The following LIN28A variants were observed in gnomAD, a reference collection of about 807,000 sequenced individuals.
The protein encoded by LIN28A is protein lin-28 homolog A.
LIN28A carries 11 observed loss-of-function variants against 21.1 expected under a neutral mutation model. The ratio of observed to expected loss-of-function variants is 0.52; its 90% confidence interval spans 0.33 to 0.86. LIN28A has a LOEUF of 0.86. Among genes scored for constraint, LIN28A ranks in the 40% least tolerant of loss-of-function variants. The pLI is 0.03. For missense variants in LIN28A, 219 were observed against 279.8 expected, an observed-to-expected ratio of 0.78 and a Z score of 1.55; for synonymous variants, 111 against 108.7, an observed-to-expected ratio of 1.02 and a Z score of -0.13.
At chr1:26,419,056 C>G (rs757758136) in intron 2 of LIN28A, among the ~76,000 whole-genome samples, 21 of 151,922 alleles carry the variant, frequency 1.4e-4, no homozygotes, top group Non-Finnish European at 1.9e-4. Flanking sequence ...TGCCCCTCCC[C>G]CTAAGGTCTT....
Position 26,411,453 on chromosome 1 carries a change from C to T in LIN28A, c.99C>T (p.Asp33=). The T allele has an allele frequency of 1.2e-6, 2 of 1,611,418 alleles. No homozygotes were observed. Among genetic ancestry groups the T allele is most frequent in the Non-Finnish European group, 1.7e-6 (2 of 1,178,808 alleles). ...EAPEDAARAA[D]EPQLLHGAGI... is the part of the protein sequence containing the mutation. The stretch of plus-strand genomic sequence containing the variant: ...CGGAGGACGCGGCCCGGGCGGCGGA[C>T]GAGCCTCAGCTGCTGCACGGTGCGG... The change falls in exon 2 of 4, where the codon GAC becomes GAT. Residue 33 remains aspartate, a synonymous_variant. Coordinates refer to ENST00000326279, the MANE Select transcript of LIN28A (RefSeq NM_024674.6). The surrounding 1 kb of genome is among the most constrained non-coding windows in gnomAD (Gnocchi z 5.4).
intron 2 of LIN28A, among the ~76,000 whole-genome samples, chr1:26,419,030 G>C (rs751950986): frequency 2.6e-5 from 4 of 151,988 alleles, no homozygotes; most frequent in African/African-American, 4.8e-5. Context: ...GGGCTCTACT[G>C]GGGGAGCTCA....
At position 26,411,593 on chromosome 1, in the gene LIN28A, T is replaced by C. The variant is rs1180593758; in HGVS notation, c.228+11T>C. 1 of 1,607,200 alleles carries C rather than the reference T, an allele frequency of 6.2e-7. No homozygotes were observed. Among genetic ancestry groups the C allele is most frequent in the African/African-American group, 1.3e-5 (1 of 74,596 alleles). On this transcript the variant is annotated intron_variant, in intron 2 of 3. Transcript: ENST00000326279. This position sits in a 1 kb window ranked among gnomAD's most constrained non-coding sequence, Gnocchi z 5.4. ...GTCTTTGTGCACCAGGTGAGACTGATTCCGGTAACTTTGCCCAGGGAAGGG... is the reference window on the plus strand; with the variant it reads ...GTCTTTGTGCACCAGGTGAGACTGACTCCGGTAACTTTGCCCAGGGAAGGG...
chr1:26,420,671 AT>A (rs1289423066), intron 2 of LIN28A, among the ~76,000 whole-genome samples: 3 of 151,690 alleles, frequency 2.0e-5, no homozygotes, highest in Admixed American at 1.3e-4. Flanking sequence ...AGCATGTTTC[AT>A]TTAAGTTCCA....
In LIN28A at chr1:26,426,508, C is replaced by G; in HGVS notation, c.*50C>G. On this transcript the variant is annotated 3_prime_UTR_variant, in exon 4 of 4. Coordinates refer to ENST00000326279, the MANE Select transcript of LIN28A (RefSeq NM_024674.6). ...TTTGCTATCAGGAAGTTTTGAGGAG[C>G]AGGCAGAGTGGAGAAAGTGGGAATA... 1 of 1,442,172 alleles carries G rather than the reference C, an allele frequency of 6.9e-7. No homozygotes were observed. 89.3% of individuals were successfully genotyped at this position (1,442,172 alleles called of 1,614,324 possible). A position where few individuals can be genotyped will look rare whatever the true frequency, so the allele number is the denominator to read the frequency against.
chr1:26,414,412 C>A (rs2074981596), intron 2 of LIN28A, among the ~76,000 whole-genome samples: 1 of 152,102 alleles, frequency 6.6e-6, no homozygotes, highest in African/African-American at 2.4e-5. Flanking sequence ...AAAACATTTT[C>A]TTTTCCTTTC....
At chr1:26,420,002 G>A (rs1416524535) in intron 2 of LIN28A, among the ~76,000 whole-genome samples, 1 of 152,112 alleles carries the variant, frequency 6.6e-6, no homozygotes, top group Non-Finnish European at 1.5e-5. Context: ...CTCTCACCCA[G>A]GCAGGAGTGC....
At chr1:26,420,559 G>A (rs1453833430) in intron 2 of LIN28A, among the ~76,000 whole-genome samples, 5 of 148,096 alleles carry the variant, frequency 3.4e-5, no homozygotes, top group African/African-American at 1.0e-4. Flanking sequence ...AGCTGAGATC[G>A]TGTCACTGCA....
In LIN28A at chr1:26,429,278, G is replaced by C. The variant is rs2075079347; in HGVS notation, c.*2820G>C. 6.5e-6 allele frequency: 1 copy of C among 152,790 alleles called. No individual in the cohort carries two copies. Among genetic ancestry groups the C allele is most frequent in the Non-Finnish European group, 1.5e-5 (1 of 68,134 alleles). 9.5% of individuals were successfully genotyped at this position (152,790 alleles called of 1,614,324 possible). On this transcript the variant is annotated 3_prime_UTR_variant, in exon 4 of 4. Transcript: ENST00000326279. ...GATGCAATTGGGGGCCTTCCATGTA[G>C]AAAGTGGGGTCAGGAGGCCAAGAAA...
intron 2 of LIN28A, among the ~76,000 whole-genome samples, chr1:26,419,854 T>G (rs565823115): frequency 1.3e-5 from 2 of 152,310 alleles, no homozygotes; most frequent in Non-Finnish European, 2.9e-5. Flanking sequence ...CTGGAATTGC[T>G]TGGGTCCAGA....
At position 26,428,317 on chromosome 1, in the gene LIN28A, C is replaced by T. The variant is rs2075072227; in HGVS notation, c.*1859C>T. On this transcript the variant is annotated 3_prime_UTR_variant, in exon 4 of 4. Transcript: ENST00000326279. Reference sequence around the variant, plus strand: ...TCCTTTCTTTTGTATTCCCCTTCCCCTATTACCTATTAGACCAGATCTTCT... The same window carrying T: ...TCCTTTCTTTTGTATTCCCCTTCCCTTATTACCTATTAGACCAGATCTTCT... The T allele has an allele frequency of 1.3e-5, 2 of 152,288 alleles. No individual in the cohort carries two copies. Among genetic ancestry groups the T allele is most frequent in the African/African-American group, 2.4e-5 (1 of 41,440 alleles). 9.4% of individuals were successfully genotyped at this position (152,288 alleles called of 1,614,324 possible).
chr1:26,428,971 C>T lies in LIN28A; in HGVS notation c.*2513C>T, dbSNP rs2075076674. ...CACAAGGTCACGAGTTCAAAACTAT[C>T]CTGGCCAACACAGTGAAACCCCGTC... On this transcript the variant is annotated 3_prime_UTR_variant, in exon 4 of 4. Coordinates refer to ENST00000326279, the MANE Select transcript of LIN28A (RefSeq NM_024674.6). 6.6e-6 allele frequency: 1 copy of T among 152,344 alleles called. No homozygotes were observed. The highest frequency in any genetic ancestry group is 2.4e-5 in the African/African-American group (1 of 41,440). 9.4% of individuals were successfully genotyped at this position (152,344 alleles called of 1,614,324 possible).
intron 2 of LIN28A, among the ~76,000 whole-genome samples, chr1:26,424,291 C>T (rs1158246939): frequency 6.6e-6 from 1 of 152,128 alleles, no homozygotes. Context: ...GTCAACCAGG[C>T]TAGAGTACAG....
At chr1:26,420,334 A>G (rs905832879) in intron 2 of LIN28A, among the ~76,000 whole-genome samples, 4 of 152,256 alleles carry the variant, frequency 2.6e-5, no homozygotes, top group African/African-American at 9.6e-5. Flanking sequence ...CCCGGCCTGC[A>G]ATATCATCTT....
intron 2 of LIN28A, among the ~76,000 whole-genome samples, chr1:26,418,948 G>T (rs140890100): frequency 1.4e-3 from 209 of 152,300 alleles, no homozygotes; most frequent in African/African-American, 4.8e-3. Context: ...ATGCAAGAGG[G>T]ATCTGCTCCT....
chr1:26,425,234 A>G (rs2075051735), intron 2 of LIN28A, 69 bp from the exon 3 acceptor site: 3 of 1,479,220 alleles, frequency 2.0e-6, no homozygotes, highest in South Asian at 1.2e-5. Context: ...CTACAGGAAT[A>G]AGAGTTCCTT....
chr1:26,422,020 T>C (rs1236205126), intron 2 of LIN28A, among the ~76,000 whole-genome samples: 1 of 151,526 alleles, frequency 6.6e-6, no homozygotes, highest in Non-Finnish European at 1.5e-5. Flanking sequence ...CTTTTTTTTT[T>C]TTTTCTGAGA....
intron 2 of LIN28A, among the ~76,000 whole-genome samples, chr1:26,416,767 G>GC (rs2074995879): frequency 6.6e-6 from 1 of 152,014 alleles, no homozygotes; most frequent in Non-Finnish European, 1.5e-5. Flanking sequence ...AGAGGCACCT[G>GC]CCACCATGCC....
intron 2 of LIN28A, among the ~76,000 whole-genome samples, chr1:26,415,728 A>G (rs1006079127): frequency 2.0e-5 from 3 of 151,734 alleles, no homozygotes; most frequent in African/African-American, 7.3e-5. Flanking sequence ...ACATAGCACT[A>G]TGAAAGTTTG....
Sources: gnomAD v4.1 joint callset for allele counts (sites outside exome capture counted in the v4.1 genomes callset) on GRCh38, gnomAD v4.1.1 for gene constraint, Gnocchi (gnomAD v3.1) non-coding constraint, MANE v1.5 for transcripts, NCBI Gene and HGNC (gene_info 2026-07-23, HGNC 2026-07-21) for gene names.